Variants in ST7L observed in about 807,000 individuals in gnomAD.
ST7L encodes suppression of tumorigenicity 7 like, also known as suppressor of tumorigenicity 7 protein-like.
ST7L carries 57 observed loss-of-function variants against 72.5 expected under a neutral mutation model. That is an observed-to-expected ratio of 0.79 (90% confidence interval 0.64 to 0.98). The LOEUF (loss-of-function observed/expected upper bound fraction) is 0.98. Ranked by LOEUF, ST7L falls within the 50% of genes least tolerant of loss-of-function variation. The probability of loss-of-function intolerance (pLI) is 0.00; values close to 1 mark genes in which losing one functional copy is unlikely to be tolerated. For synonymous variants in ST7L, 221 were observed against 240.9 expected, an observed-to-expected ratio of 0.92 and a Z score of 0.77; for missense variants, 576 against 672.2, an observed-to-expected ratio of 0.86 and a Z score of 1.58.
intron 6 of ST7L, among the ~76,000 whole-genome samples, 178 bp from the exon 7 acceptor site, chr1:112,584,304 T>C (rs528041590): frequency 2.0e-5 from 3 of 152,238 alleles, no homozygotes; most frequent in South Asian, 2.1e-4. Context: ...ATTCTTTATG[T>C]CTGATTCCAC....
At chr1:112,619,378 CA>C (rs1385801138), upstream of ST7L, 1 of 567,534 alleles carries the variant, frequency 1.8e-6, no homozygotes, top group Non-Finnish European at 3.1e-6. Flanking sequence ...TTACCGCTTC[CA>C]AACGAAATGA....
At chr1:112,563,011 T>C (rs1003027766) in intron 11 of ST7L, among the ~76,000 whole-genome samples, 1 of 151,892 alleles carries the variant, frequency 6.6e-6, no homozygotes, top group African/African-American at 2.4e-5. Flanking sequence ...TTCAGAGAAG[T>C]AGAATTGGGA....
In ST7L at chr1:112,598,031, C is replaced by A. The variant is rs745411143; in HGVS notation, c.562G>T (p.Ala188Ser). 5.0e-6 allele frequency: 8 copies of A among 1,613,786 alleles called. No homozygotes were observed. In the Admixed American group the frequency reaches 1.3e-4, roughly 27 times the overall value. The change falls in exon 5 of 15, where the codon GCT (alanine) becomes TCT (serine). Residue 188 changes from alanine (A) to serine (S), a missense_variant. By Grantham distance (99) the Ala-to-Ser change is moderately conservative. Transcript: ENST00000358039. ...GTGAAAAAGGTCTGATGGTCCTGAG[C>A]TGACAGGTTCATGTCATAGTATGTA... ...PLTYYDMNLS[A>S]QDHQTFFTCD...
intron 11 of ST7L, among the ~76,000 whole-genome samples, chr1:112,563,563 G>A (rs1406691639): frequency 6.6e-6 from 1 of 152,150 alleles, no homozygotes; most frequent in Non-Finnish European, 1.5e-5. Flanking sequence ...TCAGCCTATT[G>A]TGTCTGTAAT....
intron 13 of ST7L, among the ~76,000 whole-genome samples, chr1:112,544,004 T>C (rs17030475): frequency 0.03 from 4,603 of 152,314 alleles, 253 homozygotes; most frequent in African/African-American, 0.1. Context: ...ATTGGATATT[T>C]CGTTATCAAT....
At chr1:112,570,206 A>G (rs1431184287) in intron 11 of ST7L, among the ~76,000 whole-genome samples, 2 of 152,166 alleles carry the variant, frequency 1.3e-5, no homozygotes, top group African/African-American at 4.8e-5. Context: ...GTCAAAAACC[A>G]TGAACACATG....
intron 1 of ST7L, 56 bp from the exon 2 acceptor site, chr1:112,616,951 T>C: frequency 8.3e-7 from 1 of 1,199,868 alleles, no homozygotes; most frequent in African/African-American, 1.5e-5. Context: ...AGTACTTAGG[T>C]TACAAATATG....
chr1:112,541,905 G>T (rs373404329), intron 14 of ST7L, 46 bp downstream of exon 14: 2 of 1,601,938 alleles, frequency 1.2e-6, no homozygotes, highest in African/African-American at 2.7e-5. Context: ...ATGGTTTCTT[G>T]TGTGTTTTAC....
At chr1:112,591,368 G>T in intron 6 of ST7L, 157 bp downstream of exon 6, 1 of 597,090 alleles carries the variant, frequency 1.7e-6, no homozygotes, top group Non-Finnish European at 2.9e-6. Flanking sequence ...AAATACAGAT[G>T]TTGGCAAACA....
At position 112,525,905 on chromosome 1, in the gene ST7L, A is replaced by G. The variant is rs1195274794; in HGVS notation, c.*108T>C. ...TTTCATATGCAAAATGCTTTAGCAT[A>G]TATGTAATCCTCACAACAACCCTGT... On this transcript the variant is annotated 3_prime_UTR_variant, in exon 15 of 15. Coordinates refer to ENST00000358039, the MANE Select transcript of ST7L (RefSeq NM_017744.5). 7 of 1,456,984 alleles carry G rather than the reference A, an allele frequency of 4.8e-6. No individual in the cohort carries two copies. In the East Asian group the frequency reaches 1.2e-4, roughly 25 times the overall value. The allele number at this position is 1,456,984 out of a possible 1,614,324, so 90.3% of individuals were successfully genotyped here. A position where few individuals can be genotyped will look rare whatever the true frequency, so the allele number is the denominator to read the frequency against.
At chr1:112,566,060 CAAT>C (rs1660965570) in intron 11 of ST7L, among the ~76,000 whole-genome samples, 1 of 151,634 alleles carries the variant, frequency 6.6e-6, no homozygotes, top group African/African-American at 2.4e-5. Context: ...CCATGATAAT[CAAT>C]AATAGCCTGA....
chr1:112,606,549 C>T (rs1016827355), intron 3 of ST7L, among the ~76,000 whole-genome samples: 3 of 152,228 alleles, frequency 2.0e-5, no homozygotes, highest in Non-Finnish European at 4.4e-5. Flanking sequence ...ACTCTTCCAG[C>T]CTCAACTCAT....
chr1:112,595,370 GAAAAAAAAAAA>G (rs67553307), intron 5 of ST7L, among the ~76,000 whole-genome samples: 19 of 52,000 alleles, frequency 3.7e-4, no homozygotes, highest in Admixed American at 1.2e-3. Flanking sequence ...GGTCTCAAAA[GAAAAAAAAAAA>G]AAAAAAAAAA....
At chr1:112,601,161 C>T (rs910306044) in intron 3 of ST7L, among the ~76,000 whole-genome samples, 2 of 152,156 alleles carry the variant, frequency 1.3e-5, no homozygotes, top group Admixed American at 1.3e-4. Flanking sequence ...CCAAGCACAG[C>T]ATCTAGAACT....
rs72699075 is a variant in ST7L at position 112,594,801 on chromosome 1, T to C, written c.622+3170A>G. On this transcript the variant is annotated intron_variant, in intron 5 of 14. Transcript: ENST00000358039. Reference sequence around the variant, plus strand: ...TGAGAACTCACCCAGTCAATTAGATTATATACAGAACCTTCCACAAAGTTT... The same window carrying C: ...TGAGAACTCACCCAGTCAATTAGATCATATACAGAACCTTCCACAAAGTTT... 6.8e-3 allele frequency among the ~76,000 whole-genome samples: 1,036 copies of C among 152,282 alleles called. 5 individuals are homozygous for C. Among genetic ancestry groups the C allele is most frequent in the Non-Finnish European group, 0.011 (756 of 68,024 alleles).
intron 11 of ST7L, among the ~76,000 whole-genome samples, chr1:112,573,129 AT>A (rs1218176995): frequency 1.3e-5 from 2 of 151,960 alleles, no homozygotes; most frequent in Non-Finnish European, 2.9e-5. Context: ...CGGGCTGATC[AT>A]CTGAGGTTGG....
intron 14 of ST7L, chr1:112,539,979 A>G: frequency 1.0e-6 from 1 of 985,424 alleles, no homozygotes; most frequent in African/African-American, 1.7e-5. Context: ...TTTTGGTCTG[A>G]AAAAGAAGCT....
intron 4 of ST7L, among the ~76,000 whole-genome samples, chr1:112,600,320 G>A (rs1182176607): frequency 6.6e-6 from 1 of 152,136 alleles, no homozygotes; most frequent in Non-Finnish European, 1.5e-5. Flanking sequence ...TTACAGGCAT[G>A]AGCCACTGCA....
In ST7L at chr1:112,539,878, C is replaced by G. The variant is rs558427116; in HGVS notation, c.1629+2073G>C. ...GGCTGTAAAAGTTTACCATTAGGCA[C>G]ATTCTTAACACTATATACCATCACC... On this transcript the variant is annotated intron_variant, in intron 14 of 14. Coordinates refer to ENST00000358039, the MANE Select transcript of ST7L (RefSeq NM_017744.5). The G allele has an allele frequency of 1.9e-5, 19 of 985,360 alleles. No homozygotes were observed. The South Asian group carries it at 8.5e-4, about 44-fold the overall frequency. 61.0% of individuals were successfully genotyped at this position (985,360 alleles called of 1,614,324 possible).
Sources: gnomAD v4.1 joint callset for allele counts (sites outside exome capture counted in the v4.1 genomes callset) on GRCh38, gnomAD v4.1.1 for gene constraint, MANE v1.5 for transcripts, NCBI Gene and HGNC (gene_info 2026-07-23, HGNC 2026-07-21) for gene names.